Variants in ANGPTL6 observed in about 807,000 individuals in gnomAD.
ANGPTL6 encodes the protein angiopoietin like 6.
ANGPTL6 carries 45 observed loss-of-function variants against 47.4 expected under a neutral mutation model. The observed-to-expected ratio is 0.95, with a 90% CI of 0.75 to 1.22. The LOEUF (loss-of-function observed/expected upper bound fraction) is 1.22. Ranked by LOEUF, ANGPTL6 falls within the 50% of genes most tolerant of loss-of-function variation. The pLI is 0.00. For missense variants in ANGPTL6, 698 were observed against 669.4 expected, an observed-to-expected ratio of 1.04 and a Z score of -0.47; for synonymous variants, 290 against 295.9, an observed-to-expected ratio of 0.98 and a Z score of 0.20.
intron 1 of ANGPTL6, among the ~76,000 whole-genome samples, chr19:10,100,902 G>A (rs890282967): frequency 6.6e-6 from 1 of 152,044 alleles, no homozygotes; most frequent in African/African-American, 2.4e-5. Context: ...CAGCACTTTG[G>A]GAGGCCGAGG....
chr19:10,095,983 TG>T lies in ANGPTL6; in HGVS notation c.580del (p.Gln194ArgfsTer89). 1 of 1,324,846 alleles carries T rather than the reference TG, an allele frequency of 7.5e-7. No individual in the cohort carries two copies. Among genetic ancestry groups the T allele is most frequent in the South Asian group, 2.2e-5 (1 of 44,634 alleles). The allele number at this position is 1,324,846 out of a possible 1,614,324, so 82.1% of individuals were successfully genotyped here. ...TCTCCGGGGAGGCTGCGAGGTTACC[TG>T]CTGCTGCCCGCCCGCGCCTCCCGGG... The part of the protein sequence containing the change: ...LCPGGAGGQQ[Q>X]VLPPPPLVPV... On this transcript the variant is annotated frameshift_variant and splice_region_variant, in exon 2 of 6. Transcript: ENST00000253109. LOFTEE classifies it high-confidence loss of function.
chr19:10,103,898 G>T (rs144572830), upstream of ANGPTL6, among the ~76,000 whole-genome samples: 1,940 of 151,228 alleles, frequency 0.013, 36 homozygotes, highest in African/African-American at 0.02. Flanking sequence ...TTCGAGACCA[G>T]CCTGGCCAAG....
chr19:10,100,812 C>G (rs1327758897), intron 1 of ANGPTL6, among the ~76,000 whole-genome samples: 1 of 152,082 alleles, frequency 6.6e-6, no homozygotes. Context: ...ATGGAACAGG[C>G]AAGGGGGTGA....
upstream of ANGPTL6, among the ~76,000 whole-genome samples, chr19:10,103,476 G>A (rs192542025): frequency 0.014 from 2,187 of 151,612 alleles, 54 homozygotes; most frequent in Middle Eastern, 0.041. Flanking sequence ...AGTAATCCCA[G>A]CTACGCGGGA....
chr19:10,096,033 G>T lies in ANGPTL6; in HGVS notation c.531C>A (p.Leu177=). 1 of 1,395,144 alleles carries T rather than the reference G, an allele frequency of 7.2e-7. No homozygotes were observed. The highest frequency in any genetic ancestry group is 9.3e-7 in the Non-Finnish European group (1 of 1,070,212). The allele number at this position is 1,395,144 out of a possible 1,614,324, so 86.4% of individuals were successfully genotyped here. A position where few individuals can be genotyped will look rare whatever the true frequency, so the allele number is the denominator to read the frequency against. The change falls in exon 2 of 6, where the codon CTC becomes CTA. Residue 177 remains leucine, a synonymous_variant. Transcript: ENST00000253109. ...GGCACAGGCGCTCCAGGCGGGCGAT[G>T]AGACTGCTCTGCTGGGTGACGAGCT... ...LAQLVTQQSS[L]IARLERLCPG... is the part of the protein sequence containing the mutation.
Position 10,096,580 on chromosome 19 carries a change from G to A in ANGPTL6, c.-10-7C>T. The A allele has an allele frequency of 1.3e-6, 2 of 1,486,030 alleles. No homozygotes were observed. Among genetic ancestry groups the A allele is most frequent in the South Asian group, 1.2e-5 (1 of 80,316 alleles). The allele number at this position is 1,486,030 out of a possible 1,614,324, so 92.1% of individuals were successfully genotyped here. The stretch of plus-strand genomic sequence containing the variant: ...CTTCCCCATCGCGGCGGACCTGCAG[G>A]CAGAGGAGGAACGGAAGGAAGACGG... On this transcript the variant is annotated splice_polypyrimidine_tract_variant and splice_region_variant and intron_variant, in intron 1 of 5. Coordinates refer to ENST00000253109, the MANE Select transcript of ANGPTL6 (RefSeq NM_031917.3).
chr19:10,099,377 C>G, intron 1 of ANGPTL6, among the ~76,000 whole-genome samples: 1 of 151,994 alleles, frequency 6.6e-6, no homozygotes. Flanking sequence ...GAGATCGAGA[C>G]CATCCTGGCT....
upstream of ANGPTL6, chr19:10,102,829 AG>A (rs2088716304): frequency 6.4e-6 from 6 of 943,394 alleles, no homozygotes. Flanking sequence ...CCCCCTGCCC[AG>A]GCCACCAGAG....
chr19:10,104,317 G>GTGTGTGTGT (rs60395358), upstream of ANGPTL6, among the ~76,000 whole-genome samples: 349 of 118,028 alleles, frequency 3.0e-3, 2 homozygotes, highest in African/African-American at 9.5e-3. Flanking sequence ...TTGTGTGTGT[G>GTGTGTGTGT]GTGTGTGTGT....
At chr19:10,095,486 T>C (rs1395879105) in intron 2 of ANGPTL6, among the ~76,000 whole-genome samples, 3 of 152,184 alleles carry the variant, frequency 2.0e-5, no homozygotes, top group African/African-American at 7.2e-5. Flanking sequence ...ATGGTTTAAT[T>C]GATCTGTGCC....
At position 10,096,053 on chromosome 19, in the gene ANGPTL6, C is replaced by A; in HGVS notation, c.511G>T (p.Val171Phe). Residue 171 changes from valine (V) to phenylalanine (F), a missense_variant, in exon 2 of 6, where the codon GTC (valine) becomes TTC (phenylalanine). Val to Phe is a conservative substitution (Grantham distance 50). Transcript: ENST00000253109. Reference protein sequence around the residue: ...DVKFRELAQLVTQQSSLIARL... With the variant: ...DVKFRELAQLFTQQSSLIARL... ...GCGATGAGACTGCTCTGCTGGGTGA[C>A]GAGCTGCGCCAGCTCGCGGAACTTG... 6.8e-7 allele frequency: 1 copy of A among 1,464,364 alleles called. No individual in the cohort carries two copies. The allele number at this position is 1,464,364 out of a possible 1,614,324, so 90.7% of individuals were successfully genotyped here. A position where few individuals can be genotyped will look rare whatever the true frequency, so the allele number is the denominator to read the frequency against.
chr19:10,092,688 G>A lies in ANGPTL6; in HGVS notation c.1314C>T (p.Tyr438=), dbSNP rs1273204014. The part of the protein sequence containing the change: ...LNGVWHHGGH[Y]RSRYQDGVYW... The stretch of plus-strand genomic sequence containing the variant: ...AGACACCATCCTGGTAGCGGCTTCG[G>A]TAGTGGCCGCCGTGGTGCCACACAC... The change falls in exon 6 of 6, where the codon TAC becomes TAT. Residue 438 remains tyrosine, a synonymous_variant. Transcript: ENST00000253109. 1.2e-6 allele frequency: 2 copies of A among 1,614,068 alleles called. No homozygotes were observed. The highest frequency in any genetic ancestry group is 3.3e-5 in the Admixed American group (2 of 60,012).
In ANGPTL6 at chr19:10,095,382, A is replaced by C. The variant is rs188908854; in HGVS notation, c.583-444T>G. Among the ~76,000 whole-genome samples the C allele has an allele frequency of 6.0e-3, 916 of 152,324 alleles. 21 individuals carry two copies. The highest frequency in any genetic ancestry group is 0.046 in the South Asian group (221 of 4,830). On this transcript the variant is annotated intron_variant, in intron 2 of 5. Transcript: ENST00000253109. Reference sequence around the variant, plus strand: ...AGCCAAGATTGCACCACTGCACTCCAGCCTGGGAGACAGAGCGAGACTCCA... The same window carrying C: ...AGCCAAGATTGCACCACTGCACTCCCGCCTGGGAGACAGAGCGAGACTCCA...
rs1485714054 is a variant in ANGPTL6, at chr19:10,096,079, A to G, written c.485T>C (p.Val162Ala). ...GAGCTGCGCCAGCTCGCGGAACTTG[A>G]CGTCCAGCTGGTGGAACCGGGCGGC... ...RAAARFHQLDVKFRELAQLVT... is the reference protein window; with the variant it reads ...RAAARFHQLDAKFRELAQLVT... The change falls in exon 2 of 6, where the codon GTC (valine) becomes GCC (alanine). Residue 162 changes from valine (V) to alanine (A), a missense_variant. Coordinates refer to ENST00000253109, the MANE Select transcript of ANGPTL6 (RefSeq NM_031917.3). The G allele has an allele frequency of 1.3e-6, 2 of 1,491,936 alleles. No individual in the cohort carries two copies. The highest frequency in any genetic ancestry group is 1.8e-6 in the Non-Finnish European group (2 of 1,122,788). 92.4% of individuals were successfully genotyped at this position (1,491,936 alleles called of 1,614,324 possible).
intron 1 of ANGPTL6, among the ~76,000 whole-genome samples, chr19:10,099,619 A>G (rs995478781): frequency 3.4e-5 from 5 of 149,038 alleles, no homozygotes. Flanking sequence ...TATCTGCCAT[A>G]TCCCCTTCTG....
At chr19:10,103,624 T>TAAATA (rs35700641), upstream of ANGPTL6, among the ~76,000 whole-genome samples, 32,377 of 125,942 alleles carry the variant, frequency 0.26, 4,270 homozygotes, top group Non-Finnish European at 0.28. Context: ...AATAAATAAA[T>TAAATA]AATAAATAAA....
chr19:10,097,500 A>T (rs901305183), intron 1 of ANGPTL6, among the ~76,000 whole-genome samples: 1 of 152,192 alleles, frequency 6.6e-6, no homozygotes, highest in Non-Finnish European at 1.5e-5. Context: ...TGGGCAAAAA[A>T]ATAAATATGT....
In ANGPTL6 at chr19:10,096,045, C is replaced by A; in HGVS notation, c.519G>T (p.Gln173His). ...CCAGGCGGGCGATGAGACTGCTCTG[C>A]TGGGTGACGAGCTGCGCCAGCTCGC... The part of the protein sequence containing the change: ...KFRELAQLVT[Q>H]QSSLIARLER... The change falls in exon 2 of 6, where the codon CAG becomes CAT. Residue 173 changes from glutamine to histidine, a missense_variant. By Grantham distance (24) the Gln-to-His change is conservative. Transcript: ENST00000253109. 2 of 1,450,858 alleles carry A rather than the reference C, an allele frequency of 1.4e-6. No individual in the cohort carries two copies. Among genetic ancestry groups the A allele is most frequent in the South Asian group, 1.4e-5 (1 of 72,772 alleles). 89.9% of individuals were successfully genotyped at this position (1,450,858 alleles called of 1,614,324 possible). A position where few individuals can be genotyped will look rare whatever the true frequency, so the allele number is the denominator to read the frequency against.
chr19:10,097,856 AAAAT>A (rs200364488), intron 1 of ANGPTL6, among the ~76,000 whole-genome samples: 25 of 151,552 alleles, frequency 1.6e-4, no homozygotes, highest in Admixed American at 1.1e-3. Flanking sequence ...CCATCTCAAA[AAAAT>A]AAAATAAAAT....
Sources: allele counts gnomAD v4.1 joint callset (sites outside exome capture counted in the v4.1 genomes callset), GRCh38; gene constraint gnomAD v4.1.1; transcripts MANE v1.5; gene names NCBI Gene and HGNC (gene_info 2026-07-23, HGNC 2026-07-21).